Variants in KCNT2 observed in about 807,000 individuals in gnomAD.
The protein encoded by KCNT2 is potassium channel subfamily T member 2.
Under a neutral mutation model 153.8 loss-of-function variants are expected in KCNT2, and 67 were observed. That is an observed-to-expected ratio of 0.44 (90% CI 0.36 to 0.53). The LOEUF (loss-of-function observed/expected upper bound fraction) is 0.53, where lower values mean the gene tolerates loss of function less well. Among genes scored for constraint, KCNT2 ranks in the 20% least tolerant of loss-of-function variants. The probability of loss-of-function intolerance (pLI) is 0.00; values close to 1 mark genes in which losing one functional copy is unlikely to be tolerated. For missense variants in KCNT2, 975 were observed against 1,354.8 expected, an observed-to-expected ratio of 0.72 and a Z score of 4.40; for synonymous variants, 500 against 458.8, an observed-to-expected ratio of 1.09 and a Z score of -1.15.
At chr1:196,399,097 A>ATG (rs150605752) in intron 12 of KCNT2, among the ~76,000 whole-genome samples, 34,536 of 148,742 alleles carry the variant, frequency 0.23, 4,237 homozygotes, top group East Asian at 0.49. Flanking sequence ...ACCTGTGTGT[A>ATG]TGTGTGTGTG....
intron 25 of KCNT2, among the ~76,000 whole-genome samples, chr1:196,272,048 G>GT (rs1282184722): frequency 1.3e-5 from 2 of 151,830 alleles, no homozygotes; most frequent in Non-Finnish European, 2.9e-5. Flanking sequence ...ATAAGAATAT[G>GT]TTTTTTACTT....
chr1:196,465,941 A>G (rs1677575227), intron 7 of KCNT2, among the ~76,000 whole-genome samples: 1 of 152,032 alleles, frequency 6.6e-6, no homozygotes, highest in Non-Finnish European at 1.5e-5. Flanking sequence ...TGTACCACTC[A>G]TTTTGTCCAC....
At chr1:196,397,554 A>C (rs1399800415) in intron 13 of KCNT2, among the ~76,000 whole-genome samples, 1 of 151,502 alleles carries the variant, frequency 6.6e-6, no homozygotes, top group African/African-American at 2.4e-5. Flanking sequence ...TTCCAAAAAC[A>C]TACTAATGTG....
intron 1 of KCNT2, among the ~76,000 whole-genome samples, chr1:196,533,583 T>C (rs138888112): frequency 6.6e-6 from 1 of 152,068 alleles, no homozygotes; most frequent in African/African-American, 2.4e-5. Context: ...CATGTTAGAT[T>C]TGAGGAAATT....
At chr1:196,513,633 T>A (rs573467038) in intron 1 of KCNT2, among the ~76,000 whole-genome samples, 1 of 152,324 alleles carries the variant, frequency 6.6e-6, no homozygotes, top group Non-Finnish European at 1.5e-5. Flanking sequence ...GCCTTGTCCT[T>A]CTTCCTTCAG....
intron 18 of KCNT2, among the ~76,000 whole-genome samples, chr1:196,328,780 G>A (rs755478822): frequency 1.3e-5 from 2 of 152,028 alleles, no homozygotes; most frequent in Non-Finnish European, 2.9e-5. Flanking sequence ...ATTTCTAAAG[G>A]TGGTAATCTA....
chr1:196,464,720 C>T (rs1386101430), intron 8 of KCNT2, among the ~76,000 whole-genome samples: 1 of 151,940 alleles, frequency 6.6e-6, no homozygotes, highest in Admixed American at 6.6e-5. Context: ...TGTTGGATTA[C>T]TCTATAATTG....
At chr1:196,467,660 G>T (rs1677739704) in intron 7 of KCNT2, 43 bp downstream of exon 7, 2 of 1,272,042 alleles carry the variant, frequency 1.6e-6, no homozygotes, top group South Asian at 1.3e-5. Flanking sequence ...ATAAGAAATG[G>T]TTTAAAAATA....
chr1:196,459,162 T>A (rs1229889775), intron 8 of KCNT2, among the ~76,000 whole-genome samples: 2 of 151,770 alleles, frequency 1.3e-5, no homozygotes, highest in African/African-American at 2.4e-5. Flanking sequence ...AAAAGAAATG[T>A]CTCACTCTCT....
At chr1:196,597,812 C>A (rs910882419) in intron 1 of KCNT2, among the ~76,000 whole-genome samples, 6 of 152,122 alleles carry the variant, frequency 3.9e-5, no homozygotes, top group African/African-American at 1.4e-4. Context: ...GCATGAATTT[C>A]TGTGAACCAC....
At chr1:196,543,832 TTGTC>T (rs1656706341) in intron 1 of KCNT2, among the ~76,000 whole-genome samples, 1 of 152,156 alleles carries the variant, frequency 6.6e-6, no homozygotes, top group South Asian at 2.1e-4. Context: ...AAAAAACAGT[TTGTC>T]TGCTTCTTAA....
intron 12 of KCNT2, among the ~76,000 whole-genome samples, chr1:196,417,660 C>T (rs1476660674): frequency 1.3e-5 from 2 of 152,056 alleles, no homozygotes; most frequent in African/African-American, 4.8e-5. Context: ...TTTCCCTTTT[C>T]CCATCCTTTG....
chr1:196,374,376 T>C (rs912177522), intron 13 of KCNT2, among the ~76,000 whole-genome samples: 4 of 151,870 alleles, frequency 2.6e-5, no homozygotes, highest in Non-Finnish European at 5.9e-5. Context: ...GTTTTTATAA[T>C]ATGATTTAGT....
chr1:196,281,082 G>A, intron 24 of KCNT2, 94 bp from the exon 25 acceptor site: 1 of 958,420 alleles, frequency 1.0e-6, no homozygotes, highest in Non-Finnish European at 1.6e-6. Context: ...TTTTTGTGGG[G>A]GGCAGGGTCT....
intron 25 of KCNT2, among the ~76,000 whole-genome samples, chr1:196,279,797 A>G (rs1160218146): frequency 6.6e-6 from 1 of 151,838 alleles, no homozygotes; most frequent in Non-Finnish European, 1.5e-5. Flanking sequence ...AAACTAACCT[A>G]TTTTCTGCTG....
intron 20 of KCNT2, among the ~76,000 whole-genome samples, chr1:196,316,279 C>A (rs369856537): frequency 6.6e-6 from 1 of 151,526 alleles, no homozygotes; most frequent in Non-Finnish European, 1.5e-5. Context: ...AAAATATTTT[C>A]TTTAATAATT....
chr1:196,576,085 T>C (rs1661347983), intron 1 of KCNT2, among the ~76,000 whole-genome samples: 1 of 150,838 alleles, frequency 6.6e-6, no homozygotes, highest in Non-Finnish European at 1.5e-5. Context: ...TATATATATA[T>C]ATATATGTGT....
At chr1:196,314,455 T>C (rs1214943423) in intron 21 of KCNT2, among the ~76,000 whole-genome samples, 2 of 151,704 alleles carry the variant, frequency 1.3e-5, no homozygotes, top group Non-Finnish European at 3.0e-5. Context: ...TTTAAAAATG[T>C]ACTGTTTAAT....
intron 1 of KCNT2, among the ~76,000 whole-genome samples, chr1:196,541,141 T>TAAA (rs11437050): frequency 1.3e-5 from 2 of 151,066 alleles, no homozygotes; most frequent in African/African-American, 4.9e-5. Flanking sequence ...TGTACTGAGA[T>TAAA]AAAAAAAGCA....
Sources: allele counts gnomAD v4.1 joint callset (sites outside exome capture counted in the v4.1 genomes callset), GRCh38; gene constraint gnomAD v4.1.1; transcripts MANE v1.5; gene names NCBI Gene and HGNC (gene_info 2026-07-23, HGNC 2026-07-21).